The following BMAL2 variants were observed in gnomAD, a reference collection of about 807,000 sequenced individuals.
BMAL2 encodes the protein basic helix-loop-helix ARNT like 2.
the BMAL2 span, chr12:27,402,585 G>A: frequency 3.2e-6 from 5 of 1,563,744 alleles, no homozygotes; most frequent in South Asian, 3.5e-5. Context: ...CTTCACCTTA[G>A]AAAGTAAATC....
the BMAL2 span, chr12:27,402,505 T>C: frequency 1.2e-6 from 1 of 822,094 alleles, no homozygotes; most frequent in Non-Finnish European, 1.9e-6. Flanking sequence ...TATGTGTATA[T>C]AAAACATAAA....
chr12:27,420,301 T>A, the BMAL2 span: 4 of 1,532,388 alleles, frequency 2.6e-6, no homozygotes, highest in Non-Finnish European at 2.7e-6. Flanking sequence ...TGCTTTGCCA[T>A]TTTTTATCAC....
At chr12:27,420,616 T>A in the BMAL2 span, 1 of 1,374,896 alleles carries the variant, frequency 7.3e-7, no homozygotes, top group Non-Finnish European at 9.7e-7. Context: ...TTAAGTACTG[T>A]ATTGATATTG....
the BMAL2 span, among the ~76,000 whole-genome samples, chr12:27,360,230 C>T: frequency 6.6e-6 from 1 of 151,960 alleles, no homozygotes; most frequent in Admixed American, 6.6e-5. Flanking sequence ...AAAATAACTT[C>T]CCAGTACCCT....
the BMAL2 span, among the ~76,000 whole-genome samples, chr12:27,386,722 C>A: frequency 6.6e-6 from 1 of 152,084 alleles, no homozygotes; most frequent in South Asian, 2.1e-4. Flanking sequence ...CTCCACCTCC[C>A]GGGCTCAAGC....
chr12:27,416,052 AAATG>A, the BMAL2 span: 1 of 770,438 alleles, frequency 1.3e-6, no homozygotes, highest in Non-Finnish European at 2.1e-6. Context: ...GTCAAAAAAA[AAATG>A]AACCCATTTT....
the BMAL2 span, among the ~76,000 whole-genome samples, chr12:27,348,196 A>G: frequency 4.5e-4 from 68 of 152,320 alleles, no homozygotes; most frequent in African/African-American, 1.5e-3. Flanking sequence ...ACTTTCCCCT[A>G]TAACTCTGCC....
the BMAL2 span, among the ~76,000 whole-genome samples, chr12:27,334,822 T>C: frequency 6.6e-6 from 1 of 152,242 alleles, no homozygotes; most frequent in Non-Finnish European, 1.5e-5. Context: ...TCACAGACAT[T>C]TCACAGGGGT....
chr12:27,380,475 C>T, the BMAL2 span: 20 of 1,532,438 alleles, frequency 1.3e-5, no homozygotes, highest in Middle Eastern at 1.4e-3. Context: ...CTGATTGGTT[C>T]GCTTTGCTGT....
the BMAL2 span, among the ~76,000 whole-genome samples, chr12:27,350,994 C>CCCCTCTTT: frequency 1.1e-5 from 1 of 94,278 alleles, no homozygotes; most frequent in Non-Finnish European, 2.1e-5. Context: ...CCCACCCCCC[C>CCCCTCTTT]TTTTTTTTTT....
the BMAL2 span, among the ~76,000 whole-genome samples, chr12:27,394,168 G>T: frequency 6.6e-6 from 1 of 152,100 alleles, no homozygotes; most frequent in Non-Finnish European, 1.5e-5. Flanking sequence ...CTGGCCTTAA[G>T]CAGTCCTCCC....
the BMAL2 span, among the ~76,000 whole-genome samples, chr12:27,388,677 T>A: frequency 6.6e-6 from 1 of 152,178 alleles, no homozygotes; most frequent in South Asian, 2.1e-4. Context: ...AGCAAAGGCA[T>A]AGACCTGGGG....
the BMAL2 span, among the ~76,000 whole-genome samples, chr12:27,392,424 C>A: frequency 1.3e-5 from 2 of 152,168 alleles, no homozygotes; most frequent in Admixed American, 6.5e-5. Context: ...TTCTCTCTGC[C>A]TTCCTTCCCA....
the BMAL2 span, chr12:27,421,253 T>G: frequency 1.3e-5 from 2 of 152,128 alleles, no homozygotes; most frequent in African/African-American, 4.8e-5. Context: ...ATATAAGATT[T>G]ACTCTTAATA....
chr12:27,389,035 A>G, the BMAL2 span: 1 of 685,128 alleles, frequency 1.5e-6, no homozygotes, highest in East Asian at 2.6e-5. Context: ...TTGAACATTA[A>G]GTTCATGTCA....
chr12:27,407,367 A>G, the BMAL2 span, among the ~76,000 whole-genome samples: 9 of 152,244 alleles, frequency 5.9e-5, no homozygotes, highest in Admixed American at 5.9e-4. Flanking sequence ...AGCAAATGTA[A>G]AAGAACAGAA....
chr12:27,390,342 T>A, the BMAL2 span: 27 of 1,284,586 alleles, frequency 2.1e-5, no homozygotes, highest in Non-Finnish European at 3.2e-6. Flanking sequence ...AGGGAAATAT[T>A]TGAATTCAAA....
chr12:27,407,656 T>C, the BMAL2 span, among the ~76,000 whole-genome samples: 5 of 149,980 alleles, frequency 3.3e-5, no homozygotes, highest in South Asian at 2.1e-4. Flanking sequence ...GATCTAAAAT[T>C]GACACCCTAA....
chr12:27,360,816 A>AAAAAC, the BMAL2 span, among the ~76,000 whole-genome samples: 1 of 149,520 alleles, frequency 6.7e-6, no homozygotes, highest in Non-Finnish European at 1.5e-5. Flanking sequence ...AAAAAAAAAA[A>AAAAAC]AAAAAAAAAC....
Sources: gnomAD v4.1 joint callset for allele counts (sites outside exome capture counted in the v4.1 genomes callset) on GRCh38, gnomAD v4.1.1 for gene constraint, MANE v1.5 for transcripts, NCBI Gene and HGNC (gene_info 2026-07-23, HGNC 2026-07-21) for gene names.